FAM210A: variants seen among roughly 807,000 people sequenced by gnomAD.
The protein encoded by FAM210A is mitochondrial inner membrane scaffold 1.
FAM210A carries 13 observed loss-of-function variants against 25.3 expected under a neutral mutation model. That is an observed-to-expected ratio of 0.51 (90% CI 0.33 to 0.82). The LOEUF (loss-of-function observed/expected upper bound fraction) is 0.82. Among genes scored for constraint, FAM210A ranks in the 40% least tolerant of loss-of-function variants. The probability of loss-of-function intolerance (pLI) is 0.02; values close to 1 mark genes in which losing one functional copy is unlikely to be tolerated. For missense variants in FAM210A, 319 were observed against 323.2 expected (o/e 0.99, Z 0.10); for synonymous variants, 125 against 118.7 (o/e 1.05, Z -0.35).
chr18:13,711,986 G>A (rs1601966854), intron 1 of FAM210A, among the ~76,000 whole-genome samples: 1 of 152,096 alleles, frequency 6.6e-6, no homozygotes, highest in East Asian at 1.9e-4. Context: ...CCTAAAATCG[G>A]TACTGTGGAG....
At chr18:13,688,078 C>T (rs1170870766) in intron 1 of FAM210A, among the ~76,000 whole-genome samples, 1 of 152,176 alleles carries the variant, frequency 6.6e-6, no homozygotes, top group Non-Finnish European at 1.5e-5. Flanking sequence ...ACTAGCTTAT[C>T]TTCCCATGTA....
At chr18:13,678,342 C>G (rs1312696399) in intron 2 of FAM210A, among the ~76,000 whole-genome samples, 4 of 148,200 alleles carry the variant, frequency 2.7e-5, no homozygotes, top group Admixed American at 6.7e-5. Flanking sequence ...GAGATCTCGG[C>G]TCATGGCAAC....
intron 2 of FAM210A, among the ~76,000 whole-genome samples, chr18:13,673,960 T>A (rs878945167): frequency 1.1e-4 from 9 of 82,324 alleles, no homozygotes; most frequent in Admixed American, 3.9e-4. Context: ...CCCCGACTTC[T>A]TTATTTCCAG....
At chr18:13,677,082 T>C (rs2043510699) in intron 2 of FAM210A, among the ~76,000 whole-genome samples, 1 of 151,602 alleles carries the variant, frequency 6.6e-6, no homozygotes, top group Admixed American at 6.6e-5. Flanking sequence ...TTTTTTTTTT[T>C]TTTTCTTTTT....
At chr18:13,724,444 T>TA (rs1210946349) in intron 1 of FAM210A, among the ~76,000 whole-genome samples, 1 of 152,204 alleles carries the variant, frequency 6.6e-6, no homozygotes, top group African/African-American at 2.4e-5. Context: ...CGGTTAGAAT[T>TA]AAACGAGTGC....
intron 2 of FAM210A, among the ~76,000 whole-genome samples, chr18:13,678,167 T>C (rs1026597458): frequency 3.9e-5 from 6 of 152,126 alleles, no homozygotes; most frequent in African/African-American, 1.4e-4. Flanking sequence ...CTTGTCTCTA[T>C]AAAAAATTAA....
At chr18:13,670,750 T>C (rs1298023904) in intron 3 of FAM210A, 2 of 152,262 alleles carry the variant, frequency 1.3e-5, no homozygotes, top group Admixed American at 6.5e-5. Context: ...TCCCAGCACT[T>C]TGAGAGGCCG....
chr18:13,704,989 C>G (rs1441914638), intron 1 of FAM210A, among the ~76,000 whole-genome samples: 1 of 151,832 alleles, frequency 6.6e-6, no homozygotes, highest in Non-Finnish European at 1.5e-5. Flanking sequence ...TGGAAAGGAC[C>G]CTAAAAAGCA....
intron 1 of FAM210A, among the ~76,000 whole-genome samples, chr18:13,694,779 G>T (rs1048551529): frequency 5.9e-5 from 9 of 152,122 alleles, no homozygotes; most frequent in Non-Finnish European, 1.2e-4. Flanking sequence ...AGAAAACCTA[G>T]GCAATGCCAT....
intron 2 of FAM210A, among the ~76,000 whole-genome samples, chr18:13,675,013 C>A (rs1218108767): frequency 7.3e-6 from 1 of 136,238 alleles, no homozygotes. Flanking sequence ...TGATTATTAA[C>A]ATTCCTGAGC....
At chr18:13,700,362 A>G (rs1339267231) in intron 1 of FAM210A, among the ~76,000 whole-genome samples, 1 of 152,200 alleles carries the variant, frequency 6.6e-6, no homozygotes, top group East Asian at 1.9e-4. Context: ...ATAGCTGCTG[A>G]GAGTCACATA....
Position 13,666,545 on chromosome 18 carries a change from CTT to C in FAM210A, c.752_753del (p.Lys251ArgfsTer2), listed in dbSNP as rs779582741. 1 of 1,614,096 alleles carries C rather than the reference CTT, an allele frequency of 6.2e-7. No homozygotes were observed. Among genetic ancestry groups the C allele is most frequent in the Non-Finnish European group, 8.5e-7 (1 of 1,180,020 alleles). ...ELITEKMEET[K>X]DRLTEKLQET... ...TCTTGTAACTTTTCAGTGAGTCTATCTTTTGTTTCTTCCATTTTCTCTGTGAT... is the reference window on the plus strand; with the variant it reads ...TCTTGTAACTTTTCAGTGAGTCTATCTTGTTTCTTCCATTTTCTCTGTGAT... On this transcript the variant is annotated frameshift_variant, in exon 4 of 4. Coordinates refer to ENST00000651643, the MANE Select transcript of FAM210A (RefSeq NM_152352.4). LOFTEE classifies it high-confidence loss of function.
intron 1 of FAM210A, among the ~76,000 whole-genome samples, chr18:13,688,442 G>A (rs1275836581): frequency 7.6e-6 from 1 of 131,116 alleles, no homozygotes; most frequent in Non-Finnish European, 1.6e-5. Context: ...AGAGACGATG[G>A]CTGCATGAGG....
intron 1 of FAM210A, among the ~76,000 whole-genome samples, chr18:13,725,299 TAAC>T (rs1381610359): frequency 6.6e-6 from 1 of 152,210 alleles, no homozygotes; most frequent in Non-Finnish European, 1.5e-5. Flanking sequence ...TTTCATATAA[TAAC>T]AAATACAAGC....
chr18:13,683,665 T>C (rs575321907), intron 1 of FAM210A, among the ~76,000 whole-genome samples: 103 of 151,828 alleles, frequency 6.8e-4, no homozygotes, highest in African/African-American at 2.3e-3. Flanking sequence ...TAGTAGCCAT[T>C]ACCATATAGT....
chr18:13,717,739 A>C (rs2043872093), intron 1 of FAM210A, among the ~76,000 whole-genome samples: 1 of 152,168 alleles, frequency 6.6e-6, no homozygotes, highest in African/African-American at 2.4e-5. Flanking sequence ...GAAAACTGCA[A>C]GGGCCCAATG....
intron 1 of FAM210A, among the ~76,000 whole-genome samples, chr18:13,690,817 A>G (rs1568482623): frequency 6.6e-6 from 1 of 152,220 alleles, no homozygotes; most frequent in Non-Finnish European, 1.5e-5. Flanking sequence ...CAGAGCAGAA[A>G]AGCTGAAAAT....
chr18:13,688,991 C>T (rs376289654), intron 1 of FAM210A, among the ~76,000 whole-genome samples: 2 of 152,224 alleles, frequency 1.3e-5, no homozygotes, highest in Non-Finnish European at 2.9e-5. Context: ...TGCTCCCTCC[C>T]GTGAGGGGTT....
Position 13,681,956 on chromosome 18 carries a change from G to A in FAM210A, c.122C>T (p.Ala41Val), listed in dbSNP as rs144093105. ...TTGTACCAAAACCACTTTGGATTCA[G>A]CATTGTATAAAAGTAAAGGTCCCTT... ...NVKGPLLLYN[A>V]ESKVVLVQGP... Residue 41 changes from alanine to valine, a missense_variant, in exon 2 of 4, where the codon GCT becomes GTT. Transcript: ENST00000651643. 5.0e-4 allele frequency: 805 copies of A among 1,614,020 alleles called. No individual in the cohort carries two copies. The highest frequency in any genetic ancestry group is 6.6e-4 in the Non-Finnish European group (774 of 1,180,028).
Sources: gnomAD v4.1 joint callset for allele counts (sites outside exome capture counted in the v4.1 genomes callset) on GRCh38, gnomAD v4.1.1 for gene constraint, MANE v1.5 for transcripts, NCBI Gene and HGNC (gene_info 2026-07-23, HGNC 2026-07-21) for gene names.